The following IKBKG variants were observed in gnomAD, a reference collection of about 807,000 sequenced individuals.
IKBKG encodes inhibitor of nuclear factor kappa B kinase regulatory subunit gamma, also known as NF-kappa-B essential modulator.
IKBKG carries 2 observed loss-of-function variants against 13.7 expected under a neutral mutation model. The ratio of observed to expected loss-of-function variants is 0.15; its 90% CI spans 0.06 to 0.46. IKBKG has a LOEUF of 0.46. Among genes scored for constraint, IKBKG ranks in the 20% least tolerant of loss-of-function variants. The probability of loss-of-function intolerance (pLI) is 0.98; values close to 1 mark genes in which losing one functional copy is unlikely to be tolerated. For synonymous variants in IKBKG, 22 were observed against 64.4 expected, an observed-to-expected ratio of 0.34 and a Z score of 3.15; for missense variants, 53 against 150.3, an observed-to-expected ratio of 0.35 and a Z score of 3.39.
chrX:154,542,317 G>A (rs369777148), exon 2 of IKBKG: 4 of 1,183,974 alleles, frequency 3.4e-6, no homozygotes, highest in Non-Finnish European at 4.5e-6. Context: ...TGAGGACCCC[G>A]CAGACTATCA....
At chrX:154,548,348 G>A (rs1386609527) in intron 1 of IKBKG, among the ~76,000 whole-genome samples, 1 of 111,556 alleles carries the variant, frequency 9.0e-6, no homozygotes, top group Non-Finnish European at 1.9e-5. Context: ...CCATGGTAGG[G>A]TTCTCAGTAG....
chrX:154,546,236 G>A, upstream of IKBKG: 1 of 1,162,492 alleles, frequency 8.6e-7, no homozygotes, highest in Non-Finnish European at 1.2e-6. Flanking sequence ...TTTCTTGAGA[G>A]TTCCTCTGGG....
upstream of IKBKG, chrX:154,545,932 C>G (rs1410925346): frequency 1.3e-5 from 14 of 1,056,769 alleles, no homozygotes; most frequent in Non-Finnish European, 1.8e-5. Flanking sequence ...AGGAGGAGCT[C>G]AACTTAGCAG....
upstream of IKBKG, chrX:154,542,440 C>T (rs1557232199): frequency 2.5e-6 from 3 of 1,185,474 alleles, no homozygotes; most frequent in South Asian, 5.7e-5. Flanking sequence ...CCAGAGCTTT[C>T]TGGAAGGGGG....
chrX:154,542,893 A>G (rs2148341859), upstream of IKBKG, among the ~76,000 whole-genome samples: 1 of 112,059 alleles, frequency 8.9e-6, no homozygotes, highest in South Asian at 3.7e-4. Flanking sequence ...CCCTGGCCGC[A>G]ATAGCACATA....
intron 1 of IKBKG, among the ~76,000 whole-genome samples, chrX:154,548,608 G>T (rs1184497345): frequency 1.8e-5 from 2 of 112,694 alleles, no homozygotes; most frequent in African/African-American, 6.4e-5. Flanking sequence ...CTGTCGCCCA[G>T]GCTGGAGTGC....
At chrX:154,551,129 T>TA (rs1557234925) in intron 1 of IKBKG, among the ~76,000 whole-genome samples, 2 of 103,916 alleles carry the variant, frequency 1.9e-5, no homozygotes, top group African/African-American at 7.1e-5. Context: ...TTTTTTTTTT[T>TA]AGTAGAGGCA....
At chrX:154,546,649 G>T, upstream of IKBKG, 1 of 508,216 alleles carries the variant, frequency 2.0e-6, no homozygotes, top group Admixed American at 4.1e-5. Context: ...GAGGAGGTGC[G>T]GGGTATAAAG....
chrX:154,542,481 G>C (rs2070543114), upstream of IKBKG: 1 of 1,154,716 alleles, frequency 8.7e-7, no homozygotes, highest in African/African-American at 1.8e-5. Flanking sequence ...TTTCTGGTAG[G>C]GGTGGGAGTC....
chrX:154,546,503 T>C (rs2070720485), upstream of IKBKG, among the ~76,000 whole-genome samples: 2 of 111,747 alleles, frequency 1.8e-5, no homozygotes, highest in African/African-American at 3.3e-5. Context: ...TTCCCGACTG[T>C]AGCGGGAACT....
intron 1 of IKBKG, among the ~76,000 whole-genome samples, chrX:154,549,437 AT>A (rs781992636): frequency 0.03 from 2,941 of 96,891 alleles, 93 homozygotes; most frequent in African/African-American, 0.098. Context: ...ACTCCCAGCT[AT>A]TTTTTTTTTT....
chrX:154,542,980 T>C (rs111615979), upstream of IKBKG, among the ~76,000 whole-genome samples: 3,155 of 111,881 alleles, frequency 0.028, 104 homozygotes, highest in African/African-American at 0.096. Flanking sequence ...GAACGGAGAA[T>C]GGGCTGCTTT....
At chrX:154,551,442 C>T (rs1413387281) in intron 1 of IKBKG, among the ~76,000 whole-genome samples, 1 of 111,172 alleles carries the variant, frequency 9.0e-6, no homozygotes, top group African/African-American at 3.3e-5. Flanking sequence ...CCTTGCGTCT[C>T]CCTCTGGCTT....
chrX:154,555,570 T>A (rs1471850549), intron 2 of IKBKG, among the ~76,000 whole-genome samples: 2 of 112,279 alleles, frequency 1.8e-5, no homozygotes, highest in African/African-American at 6.5e-5. Flanking sequence ...AAAAGTGGCA[T>A]TTAACACATA....
At chrX:154,555,764 G>C (rs1228460902) in intron 2 of IKBKG, among the ~76,000 whole-genome samples, 11 of 111,178 alleles carry the variant, frequency 9.9e-5, no homozygotes, top group Non-Finnish European at 2.1e-4. Context: ...ATTTTTATTA[G>C]AGACGGGGTT....
chrX:154,541,673 C>T (rs1440983264), intron 1 of IKBKG, among the ~76,000 whole-genome samples: 3 of 112,117 alleles, frequency 2.7e-5, no homozygotes, highest in Admixed American at 9.4e-5. Context: ...ATCTTCCCCA[C>T]GCCCTCCTCT....
In IKBKG at chrX:154,552,264, TG is replaced by T. The variant is rs1413893674; in HGVS notation, c.187+78del. ...TCCCCACCTGCACCTCTGCGTTTCC[TG>T]GGCCTGGGGTGGGGATGTGCTGCCC... On this transcript the variant is annotated intron_variant, in intron 2 of 9. Coordinates refer to ENST00000594239, the MANE Select transcript of IKBKG (RefSeq NM_001099857.5). 3.2e-6 allele frequency: 3 copies of T among 923,220 alleles called. No homozygotes were observed. In the Admixed American group the frequency reaches 8.6e-5, roughly 26 times the overall value. 76.1% of individuals were successfully genotyped at this position (923,220 alleles called of 1,213,427 possible).
chrX:154,547,213 C>A, upstream of IKBKG: 1 of 510,796 alleles, frequency 2.0e-6, no homozygotes, highest in Non-Finnish European at 2.4e-6. Flanking sequence ...GAGGGCTCCA[C>A]TTCCGCCGGC....
upstream of IKBKG, chrX:154,542,561 G>T: frequency 1.0e-6 from 1 of 995,740 alleles, no homozygotes. Flanking sequence ...AGGAAGCTGG[G>T]TGTGTGGGCA....
Sources: allele counts gnomAD v4.1 joint callset (sites outside exome capture counted in the v4.1 genomes callset), GRCh38; gene constraint gnomAD v4.1.1; transcripts MANE v1.5; gene names NCBI Gene and HGNC (gene_info 2026-07-23, HGNC 2026-07-21).